CEP57L1: variants seen among roughly 807,000 people sequenced by gnomAD.
CEP57L1 encodes centrosomal protein CEP57L1.
A neutral mutation model predicts 61.0 loss-of-function variants in CEP57L1; 37 were observed. That is an observed-to-expected ratio of 0.61 (90% CI 0.47 to 0.80). The LOEUF is 0.80. CEP57L1 is among the 30% of genes least tolerant of loss of function. The pLI is 0.00. For synonymous variants in CEP57L1, 137 were observed against 162.3 expected, an observed-to-expected ratio of 0.84 and a Z score of 1.19; for missense variants, 422 against 524.7, an observed-to-expected ratio of 0.80 and a Z score of 1.91.
intron 1 of CEP57L1, among the ~76,000 whole-genome samples, chr6:109,113,818 T>C (rs756182578): frequency 1.3e-5 from 2 of 152,154 alleles, no homozygotes; most frequent in Non-Finnish European, 2.9e-5. Context: ...ACTGCCATGT[T>C]AAAAAGTCCA....
chr6:109,133,612 CTG>C lies in CEP57L1; in HGVS notation c.-3-11604_-3-11603del, dbSNP rs199666529. Among the ~76,000 whole-genome samples the C allele has an allele frequency of 8.3e-3, 1,261 of 152,132 alleles. 24 individuals are homozygous for C. The highest frequency in any genetic ancestry group is 0.029 in the African/African-American group (1,210 of 41,488). ...GACACAAAAAAACCCTTCAAAAAAT[CTG>C]TGAATCCAGGAGCTGGTGTTTTGAA... On this transcript the variant is annotated intron_variant, in intron 1 of 10. Transcript: ENST00000517392.
chr6:109,118,871 A>G (rs912379079), intron 1 of CEP57L1, among the ~76,000 whole-genome samples: 17 of 152,186 alleles, frequency 1.1e-4, no homozygotes, highest in African/African-American at 4.1e-4. Context: ...TTTATTAAGT[A>G]TTAAATTAGG....
chr6:109,118,579 G>T (rs1165757085), intron 1 of CEP57L1, among the ~76,000 whole-genome samples: 1 of 152,186 alleles, frequency 6.6e-6, no homozygotes, highest in Non-Finnish European at 1.5e-5. Flanking sequence ...TCAGACATGT[G>T]GGTCAAACGT....
At chr6:109,101,895 A>G (rs1203177696) in intron 1 of CEP57L1, among the ~76,000 whole-genome samples, 4 of 152,192 alleles carry the variant, frequency 2.6e-5, no homozygotes, top group Non-Finnish European at 5.9e-5. Context: ...CTGGGATTAT[A>G]GGCGTGAGCC....
chr6:109,103,301 A>T (rs1261758250), intron 1 of CEP57L1, among the ~76,000 whole-genome samples: 2 of 152,178 alleles, frequency 1.3e-5, no homozygotes, highest in Non-Finnish European at 2.9e-5. Flanking sequence ...TTGTTGAAAA[A>T]TGTCTTGTCA....
intron 1 of CEP57L1, among the ~76,000 whole-genome samples, chr6:109,103,654 A>G (rs902898201): frequency 2.6e-5 from 4 of 152,150 alleles, no homozygotes; most frequent in African/African-American, 9.6e-5. Context: ...CAAATTTACT[A>G]TAGTATGCTT....
rs1774536877 is a variant in CEP57L1, at chr6:109,174,126, A to G, written c.*11156A>G. On this transcript the variant is annotated 3_prime_UTR_variant, in exon 11 of 11. Transcript: ENST00000517392. ...AAAAAAAAAAAAAACCTTGTGTTGGAAACCATCTCCAATGAAGCAGTGTTA... is the reference window on the plus strand; with the variant it reads ...AAAAAAAAAAAAAACCTTGTGTTGGGAACCATCTCCAATGAAGCAGTGTTA... Among the ~76,000 whole-genome samples, 1 of 144,878 alleles carries G rather than the reference A, an allele frequency of 6.9e-6. No homozygotes were observed. Among genetic ancestry groups the G allele is most frequent in the Non-Finnish European group, 1.5e-5 (1 of 65,576 alleles).
At chr6:109,153,231 CTTTTTTTTTTT>C (rs34538762) in intron 4 of CEP57L1, among the ~76,000 whole-genome samples, 967 of 79,022 alleles carry the variant, frequency 0.012, 14 homozygotes, top group African/African-American at 0.042. Flanking sequence ...CTAATCTGCA[CTTTTTTTTTTT>C]TTTTTTTTTT....
upstream of CEP57L1, chr6:109,095,390 C>G (rs1781562188): frequency 1.0e-6 from 1 of 985,796 alleles, no homozygotes; most frequent in Non-Finnish European, 1.2e-6. Context: ...CTTCATTACT[C>G]CAAACCCCAG....
intron 1 of CEP57L1, among the ~76,000 whole-genome samples, chr6:109,104,053 T>C (rs75582945): frequency 6.6e-5 from 10 of 151,238 alleles, no homozygotes; most frequent in African/African-American, 1.7e-4. Flanking sequence ...TTTTTTTTTT[T>C]CAATGAAATG....
chr6:109,120,957 C>CACACACACACACACACAG (rs1332576863), intron 1 of CEP57L1, among the ~76,000 whole-genome samples: 9 of 141,068 alleles, frequency 6.4e-5, no homozygotes, highest in African/African-American at 2.1e-4. Context: ...CACACACACA[C>CACACACACACACACACAG]AGTCACTCAC....
chr6:109,105,941 C>T (rs1180959021), intron 1 of CEP57L1: 1 of 152,184 alleles, frequency 6.6e-6, no homozygotes, highest in African/African-American at 2.4e-5. Flanking sequence ...ATCACAAACC[C>T]TCTTGCAAAC....
intron 1 of CEP57L1, among the ~76,000 whole-genome samples, chr6:109,134,458 A>G (rs139794804): frequency 0.067 from 10,197 of 152,314 alleles, 461 homozygotes; most frequent in Non-Finnish European, 0.1. Context: ...CCAATATCAT[A>G]CTGAATGGGC....
rs1354032311 is a variant in CEP57L1 at position 109,119,635 on chromosome 6, C to CA, written c.-4+24067dup. 2.6e-5 allele frequency among the ~76,000 whole-genome samples: 4 copies of CA among 151,908 alleles called. No individual in the cohort carries two copies. The East Asian group carries it at 7.7e-4, about 29-fold the overall frequency. ...CAGAGAAATGGTAGTCAGTACTTGA[C>CA]AAAAAAATATTATCTTAGGCAGAAG... On this transcript the variant is annotated intron_variant, in intron 1 of 10. Transcript: ENST00000517392.
intron 1 of CEP57L1, among the ~76,000 whole-genome samples, chr6:109,100,459 G>C (rs1782241234): frequency 6.6e-6 from 1 of 152,078 alleles, no homozygotes; most frequent in African/African-American, 2.4e-5. Flanking sequence ...CCGATCACTT[G>C]AGGTCAGGAG....
chr6:109,125,525 T>TATA (rs11454984), intron 1 of CEP57L1, among the ~76,000 whole-genome samples: 1 of 107,546 alleles, frequency 9.3e-6, no homozygotes, highest in Non-Finnish European at 2.0e-5. Context: ...TATATATATA[T>TATA]TTTTTTTTTA....
chr6:109,120,912 GCACACA>G (rs71747421), intron 1 of CEP57L1, among the ~76,000 whole-genome samples: 8,554 of 133,418 alleles, frequency 0.064, 294 homozygotes, highest in East Asian at 0.2. Flanking sequence ...TTAGACACAC[GCACACA>G]CACACACACA....
At chr6:109,110,607 A>G (rs537410407) in intron 1 of CEP57L1, among the ~76,000 whole-genome samples, 11 of 152,308 alleles carry the variant, frequency 7.2e-5, no homozygotes, top group African/African-American at 1.9e-4. Context: ...GCCCATGCCA[A>G]TGTCCTGAAT....
At chr6:109,133,242 G>A (rs778144874) in intron 1 of CEP57L1, among the ~76,000 whole-genome samples, 7 of 152,130 alleles carry the variant, frequency 4.6e-5, no homozygotes, top group Non-Finnish European at 8.8e-5. Context: ...TGCGGCAGGG[G>A]TAAGGGGATG....
Sources: allele counts gnomAD v4.1 joint callset (sites outside exome capture counted in the v4.1 genomes callset), GRCh38; gene constraint gnomAD v4.1.1; transcripts MANE v1.5; gene names NCBI Gene and HGNC (gene_info 2026-07-23, HGNC 2026-07-21).